NAV2: variants seen among roughly 807,000 people sequenced by gnomAD.
NAV2 encodes the protein neuron navigator 2.
In NAV2, 54 loss-of-function variants were observed where a neutral mutation model predicts 223.2. The ratio of observed to expected loss-of-function variants is 0.24; its 90% confidence interval spans 0.19 to 0.30. NAV2 has a LOEUF of 0.30. NAV2 is among the 10% of genes least tolerant of loss of function. NAV2 has a pLI of 1.00. For synonymous variants in NAV2, 1,279 were observed against 1,239.3 expected, an observed-to-expected ratio of 1.03 and a Z score of -0.67; for missense variants, 2,806 against 3,147.5, an observed-to-expected ratio of 0.89 and a Z score of 2.60.
At chr11:19,650,316 G>C (rs2047935025) in intron 1 of NAV2, among the ~76,000 whole-genome samples, 1 of 152,196 alleles carries the variant, frequency 6.6e-6, no homozygotes, top group Non-Finnish European at 1.5e-5. Flanking sequence ...AGGCAGGTAT[G>C]GGAGTTAGGC....
chr11:19,582,051 G>A (rs1172840374), intron 1 of NAV2, among the ~76,000 whole-genome samples: 3 of 152,110 alleles, frequency 2.0e-5, no homozygotes, highest in Non-Finnish European at 4.4e-5. Flanking sequence ...TTTAATGATT[G>A]CCATTCTAAC....
At chr11:19,800,630 C>T (rs1057459437) in intron 1 of NAV2, among the ~76,000 whole-genome samples, 8 of 149,350 alleles carry the variant, frequency 5.4e-5, no homozygotes, top group South Asian at 2.1e-4. Flanking sequence ...GATAGCTTGG[C>T]GATTATTTGC....
chr11:19,402,108 T>TTAC (rs1452936439), intron 1 of NAV2: 1 of 152,206 alleles, frequency 6.6e-6, no homozygotes, highest in Non-Finnish European at 1.5e-5. Flanking sequence ...AAAGGGGTAG[T>TTAC]GGCCCACCCA....
chr11:19,562,447 C>G (rs2045133297), intron 1 of NAV2, among the ~76,000 whole-genome samples: 2 of 152,182 alleles, frequency 1.3e-5, no homozygotes, highest in South Asian at 2.1e-4. Flanking sequence ...ACAATAAACT[C>G]TCTCTTTGAG....
chr11:19,451,910 G>C (rs1287628388), intron 1 of NAV2, among the ~76,000 whole-genome samples: 1 of 152,226 alleles, frequency 6.6e-6, no homozygotes, highest in East Asian at 1.9e-4. Context: ...CAGATCAGCA[G>C]GGTCTTGTAG....
At chr11:19,395,724 T>C (rs1008582437) in intron 1 of NAV2, among the ~76,000 whole-genome samples, 1 of 152,224 alleles carries the variant, frequency 6.6e-6, no homozygotes, top group African/African-American at 2.4e-5. Flanking sequence ...TTTCAGCCTC[T>C]GTCCTTGCCA....
chr11:19,668,417 C>T (rs2048481615), intron 1 of NAV2, among the ~76,000 whole-genome samples: 1 of 150,626 alleles, frequency 6.6e-6, no homozygotes, highest in South Asian at 2.1e-4. Context: ...TCTGTAGTCC[C>T]AGCTACTTGG....
intron 1 of NAV2, among the ~76,000 whole-genome samples, chr11:19,599,790 A>G (rs1218780421): frequency 6.6e-6 from 1 of 152,138 alleles, no homozygotes; most frequent in Admixed American, 6.5e-5. Flanking sequence ...GAGAAACAGC[A>G]TGAGGGAGGG....
chr11:20,002,219 T>C (rs1203103505), intron 11 of NAV2, among the ~76,000 whole-genome samples: 1 of 152,074 alleles, frequency 6.6e-6, no homozygotes, highest in Admixed American at 6.6e-5. Flanking sequence ...ACTATCGCAT[T>C]GGGGGTTAGA....
intron 1 of NAV2, among the ~76,000 whole-genome samples, chr11:19,646,269 G>A (rs1028143988): frequency 6.6e-6 from 1 of 152,216 alleles, no homozygotes; most frequent in Admixed American, 6.5e-5. Context: ...CATGCTTCGT[G>A]TTCTAATTGC....
intron 1 of NAV2, among the ~76,000 whole-genome samples, chr11:19,808,339 A>G (rs551851859): frequency 2.0e-5 from 3 of 152,344 alleles, no homozygotes; most frequent in Non-Finnish European, 2.9e-5. Flanking sequence ...AGGAGCTGTC[A>G]GAAGCCACCA....
intron 19 of NAV2, among the ~76,000 whole-genome samples, chr11:20,057,999 T>C (rs2058469471): frequency 6.6e-6 from 1 of 152,242 alleles, no homozygotes; most frequent in South Asian, 2.1e-4. Flanking sequence ...CCGCTGTCAA[T>C]ACACTGTGAA....
At chr11:19,952,546 G>A (rs1003819104) in intron 10 of NAV2, among the ~76,000 whole-genome samples, 2 of 152,212 alleles carry the variant, frequency 1.3e-5, no homozygotes, top group African/African-American at 4.8e-5. Context: ...CTTGATGTAT[G>A]AGTAATATAT....
At chr11:19,531,426 C>T (rs1186662662) in intron 1 of NAV2, among the ~76,000 whole-genome samples, 3 of 152,116 alleles carry the variant, frequency 2.0e-5, no homozygotes, top group Non-Finnish European at 4.4e-5. Context: ...TGGAGATAAT[C>T]TAGGTAAGAA....
At chr11:20,054,300 T>TATACA in intron 18 of NAV2, 60 bp downstream of exon 18, 3 of 1,450,266 alleles carry the variant, frequency 2.1e-6, no homozygotes, top group Non-Finnish European at 2.8e-6. Context: ...GGTTATCTTA[T>TATACA]ATACATAACA....
intron 1 of NAV2, among the ~76,000 whole-genome samples, chr11:19,573,849 G>A (rs1282760155): frequency 6.6e-6 from 1 of 152,180 alleles, no homozygotes; most frequent in Non-Finnish European, 1.5e-5. Context: ...GTCTGTGGGA[G>A]GCTCTTGGCA....
chr11:19,689,813 C>T (rs1266380143), intron 1 of NAV2, among the ~76,000 whole-genome samples: 1 of 152,100 alleles, frequency 6.6e-6, no homozygotes, highest in Non-Finnish European at 1.5e-5. Flanking sequence ...TGTCTTTCCA[C>T]GAGACTTTCA....
chr11:19,969,151 C>A (rs2049014139), intron 10 of NAV2, among the ~76,000 whole-genome samples: 2 of 152,192 alleles, frequency 1.3e-5, no homozygotes, highest in South Asian at 2.1e-4. Flanking sequence ...AGTTCTTTTG[C>A]TTTTCAAACT....
chr11:19,896,935 T>C (rs111535598), intron 6 of NAV2, among the ~76,000 whole-genome samples: 35,758 of 151,854 alleles, frequency 0.24, 4,782 homozygotes, highest in East Asian at 0.5. Flanking sequence ...CATGCACACA[T>C]ATGTTTATTG....
Sources: gnomAD v4.1 joint callset for allele counts (sites outside exome capture counted in the v4.1 genomes callset) on GRCh38, gnomAD v4.1.1 for gene constraint, MANE v1.5 for transcripts, NCBI Gene and HGNC (gene_info 2026-07-23, HGNC 2026-07-21) for gene names.